The following IKZF2 variants were observed in gnomAD, a reference collection of about 807,000 sequenced individuals.
IKZF2 encodes IKAROS family zinc finger 2.
Under a neutral mutation model 49.2 loss-of-function variants are expected in IKZF2, and 15 were observed. That is an observed-to-expected ratio of 0.30 (90% CI 0.20 to 0.47). The LOEUF (loss-of-function observed/expected upper bound fraction) is 0.47, where lower values mean the gene tolerates loss of function less well. Among genes scored for constraint, IKZF2 ranks in the 20% least tolerant of loss-of-function variants. The pLI, the probability that IKZF2 is intolerant of heterozygous loss-of-function variation, is 1.00. For synonymous variants in IKZF2, 227 were observed against 221.4 expected (o/e 1.03, Z -0.23); for missense variants, 567 against 664.6 (o/e 0.85, Z 1.61).
intron 4 of IKZF2, among the ~76,000 whole-genome samples, chr2:213,092,444 C>T (rs1257384467): frequency 6.6e-6 from 1 of 152,026 alleles, no homozygotes; most frequent in Admixed American, 6.6e-5. Flanking sequence ...TCTCACTTGC[C>T]CCAGAACTTC....
At position 213,013,931 on chromosome 2, in the gene IKZF2, G is replaced by C. The variant is rs758344114; in HGVS notation, c.716C>G (p.Pro239Arg). 3.1e-6 allele frequency: 5 copies of C among 1,610,600 alleles called. No homozygotes were observed. The East Asian group carries it at 1.1e-4, about 36-fold the overall frequency. Residue 239 changes from proline (P) to arginine (R), a missense_variant, in exon 8 of 9, where the codon CCT becomes CGT. Around this residue, in one of 5 missense-constraint regions of IKZF2, gnomAD observed 310 missense variants for 326.9 expected, o/e 0.95. Coordinates refer to ENST00000434687, the MANE Select transcript of IKZF2 (RefSeq NM_001387220.1). ...AAGQVMSHHV[P>R]PMEDCKEQEP... ...TTGTTCCTTACAATCTTCCATAGGA[G>C]GTACTATACAAAACCATAGAAAAAT...
intron 4 of IKZF2, among the ~76,000 whole-genome samples, chr2:213,071,808 C>G (rs985892186): frequency 2.6e-5 from 4 of 152,002 alleles, no homozygotes; most frequent in Non-Finnish European, 5.9e-5. Flanking sequence ...CTAATACTTC[C>G]TAGCCTGTTT....
chr2:213,077,220 T>G (rs565949968), intron 4 of IKZF2, among the ~76,000 whole-genome samples: 5 of 152,232 alleles, frequency 3.3e-5, no homozygotes, highest in African/African-American at 4.8e-5. Context: ...AATAAGTGTA[T>G]TAATGTGTCA....
At chr2:213,098,283 A>G (rs1706251310) in intron 4 of IKZF2, among the ~76,000 whole-genome samples, 1 of 152,174 alleles carries the variant, frequency 6.6e-6, no homozygotes, top group Non-Finnish European at 1.5e-5. Flanking sequence ...AGAGTAGAGC[A>G]ACTCGCAAAA....
At chr2:213,062,589 G>GA (rs1356910381) in intron 4 of IKZF2, among the ~76,000 whole-genome samples, 3 of 151,632 alleles carry the variant, frequency 2.0e-5, no homozygotes, top group Non-Finnish European at 4.4e-5. Flanking sequence ...CTTACCAAAT[G>GA]AAAAAAAGTG....
chr2:213,100,299 G>T (rs1251036146), intron 4 of IKZF2, among the ~76,000 whole-genome samples: 2 of 151,862 alleles, frequency 1.3e-5, no homozygotes, highest in Non-Finnish European at 2.9e-5. Context: ...AAGGCAGACT[G>T]GTAACAAATG....
intron 7 of IKZF2, chr2:213,014,253 C>T (rs1036549086): frequency 5.6e-6 from 1 of 178,242 alleles, no homozygotes; most frequent in Non-Finnish European, 1.2e-5. Flanking sequence ...AAAATCAATA[C>T]TACTTTTAAG....
intron 4 of IKZF2, among the ~76,000 whole-genome samples, chr2:213,106,421 T>C (rs2059530637): frequency 1.3e-5 from 2 of 151,846 alleles, no homozygotes; most frequent in African/African-American, 4.8e-5. Flanking sequence ...GGAGAATCGC[T>C]TGAGCCCAAG....
At chr2:213,114,516 A>G (rs1251347654) in intron 4 of IKZF2, among the ~76,000 whole-genome samples, 2 of 152,216 alleles carry the variant, frequency 1.3e-5, no homozygotes, top group Non-Finnish European at 2.9e-5. Flanking sequence ...AATAAAGTGT[A>G]TGAAAATGAA....
At chr2:213,093,537 T>C (rs1475027359) in intron 4 of IKZF2, among the ~76,000 whole-genome samples, 1 of 152,184 alleles carries the variant, frequency 6.6e-6, no homozygotes, top group Non-Finnish European at 1.5e-5. Context: ...TATAATGTCC[T>C]ATTATTTTTA....
chr2:213,013,034 C>T (rs1300423226), intron 8 of IKZF2, among the ~76,000 whole-genome samples: 1 of 151,578 alleles, frequency 6.6e-6, no homozygotes, highest in East Asian at 1.9e-4. Flanking sequence ...CAACATTGGG[C>T]GTATCAAAGA....
At position 213,121,570 on chromosome 2, in the gene IKZF2, C is replaced by T. The variant is rs1289780754; in HGVS notation, c.139+26138G>A. ...ATTCTTTCTAACATTCATTGAGTTG[C>T]TATAAATACAAGGACCATTATGAAA... On this transcript the variant is annotated intron_variant, in intron 4 of 8. Coordinates refer to ENST00000434687, the MANE Select transcript of IKZF2 (RefSeq NM_001387220.1). Among the ~76,000 whole-genome samples, 3 of 152,156 alleles carry T rather than the reference C, an allele frequency of 2.0e-5. 1 individual carries two copies. Among genetic ancestry groups the T allele is most frequent in the Non-Finnish European group, 4.4e-5 (3 of 68,034 alleles).
chr2:213,102,853 G>A (rs1038816212), intron 4 of IKZF2, among the ~76,000 whole-genome samples: 5 of 151,948 alleles, frequency 3.3e-5, no homozygotes, highest in Admixed American at 6.6e-5. Context: ...CAAGCATGAA[G>A]GCATCAAGAG....
rs573379817 is a variant in IKZF2, at chr2:213,069,173, T to A, written c.140-12074A>T. 7.2e-5 allele frequency among the ~76,000 whole-genome samples: 11 copies of A among 152,214 alleles called. No homozygotes were observed. In the East Asian group the frequency reaches 2.1e-3, roughly 29 times the overall value. ...AATTGCAGGTTTCCAGGGAGGGGAA[T>A]GCTGTTACAGTAGGGATCACCTCAG... On this transcript the variant is annotated intron_variant, in intron 4 of 8. Transcript: ENST00000434687.
At chr2:213,103,644 C>T (rs116107883) in intron 4 of IKZF2, among the ~76,000 whole-genome samples, 1 of 151,936 alleles carries the variant, frequency 6.6e-6, no homozygotes, top group Non-Finnish European at 1.5e-5. Flanking sequence ...CATCACTGAT[C>T]GTCAATAAAT....
chr2:213,030,267 T>G (rs533256342), intron 6 of IKZF2, among the ~76,000 whole-genome samples: 12 of 152,176 alleles, frequency 7.9e-5, no homozygotes, highest in Non-Finnish European at 1.6e-4. Context: ...ACACCTACTT[T>G]TTTTTTCTAA....
intron 7 of IKZF2, among the ~76,000 whole-genome samples, chr2:213,018,486 C>G (rs1696850712): frequency 6.6e-6 from 1 of 152,002 alleles, no homozygotes; most frequent in Admixed American, 6.6e-5. Context: ...TCATCTTTTT[C>G]TTTTTGGCAT....
chr2:213,136,767 C>T (rs1319529738), intron 4 of IKZF2, among the ~76,000 whole-genome samples: 4 of 152,122 alleles, frequency 2.6e-5, no homozygotes, highest in East Asian at 1.9e-4. Flanking sequence ...ACCCTGTTTA[C>T]CCTCCGATAT....
Position 213,150,014 on chromosome 2 carries a change from C to T in IKZF2, c.-16+130G>A, listed in dbSNP as rs879035215. 6.1e-5 allele frequency: 24 copies of T among 396,050 alleles called. 1 individual carries two copies. The highest frequency in any genetic ancestry group is 5.2e-4 in the South Asian group (24 of 46,228). 24.5% of individuals were successfully genotyped at this position (396,050 alleles called of 1,614,324 possible). A position where few individuals can be genotyped will look rare whatever the true frequency, so the allele number is the denominator to read the frequency against. On this transcript the variant is annotated intron_variant, in intron 2 of 8. Transcript: ENST00000434687. ...TTTAAAAATGTACACATTTAACACA[C>T]ACATATTAAAAAGAAAGAAACGTCA... is the stretch of plus-strand genomic sequence containing the variant.
Sources: allele counts gnomAD v4.1 joint callset (sites outside exome capture counted in the v4.1 genomes callset), GRCh38; gene constraint gnomAD v4.1.1; regional missense constraint gnomAD v4.1.1; transcripts MANE v1.5; gene names NCBI Gene and HGNC (gene_info 2026-07-23, HGNC 2026-07-21).